MTUS2: variants seen among roughly 807,000 people sequenced by gnomAD.
MTUS2 encodes the protein microtubule associated scaffold protein 2, also known as microtubule-associated tumor suppressor candidate 2.
MTUS2 carries 40 observed loss-of-function variants against 114.1 expected under a neutral mutation model. That is an observed-to-expected ratio of 0.35 (90% CI 0.27 to 0.46). The LOEUF (loss-of-function observed/expected upper bound fraction) is 0.46, where lower values mean the gene tolerates loss of function less well. MTUS2 is among the 20% of genes least tolerant of loss of function. The pLI is 1.00. For synonymous variants in MTUS2, 688 were observed against 672.0 expected, an observed-to-expected ratio of 1.02 and a Z score of -0.37; for missense variants, 1,679 against 1,705.4, an observed-to-expected ratio of 0.98 and a Z score of 0.27.
intron 5 of MTUS2, among the ~76,000 whole-genome samples, chr13:29,235,656 A>G (rs1896508660): frequency 6.6e-6 from 1 of 152,166 alleles, no homozygotes; most frequent in South Asian, 2.1e-4. Context: ...TCAAGAATAA[A>G]TGTTGAATTT....
At chr13:29,000,995 CT>C (rs1343539798) in intron 2 of MTUS2, among the ~76,000 whole-genome samples, 2 of 152,146 alleles carry the variant, frequency 1.3e-5, no homozygotes, top group Non-Finnish European at 2.9e-5. Flanking sequence ...TTCTACAGTC[CT>C]TAGGGTAGGA....
chr13:29,186,087 G>T (rs1005276399), intron 5 of MTUS2, among the ~76,000 whole-genome samples: 3 of 152,098 alleles, frequency 2.0e-5, no homozygotes, highest in East Asian at 3.9e-4. Flanking sequence ...GGTGGCACAT[G>T]CATGTAGTCC....
chr13:29,096,459 A>G (rs1452209845), intron 4 of MTUS2, among the ~76,000 whole-genome samples: 4 of 152,168 alleles, frequency 2.6e-5, no homozygotes. Context: ...CCACTCTTTG[A>G]GGTTAGTTCT....
chr13:28,821,631 A>G (rs1490140748), intron 1 of MTUS2, among the ~76,000 whole-genome samples: 2 of 152,160 alleles, frequency 1.3e-5, no homozygotes, highest in Non-Finnish European at 2.9e-5. Context: ...TCCTCCACCC[A>G]GTATTCTGTT....
chr13:29,077,490 C>T (rs1422469847), intron 4 of MTUS2, among the ~76,000 whole-genome samples: 1 of 152,098 alleles, frequency 6.6e-6, no homozygotes, highest in Non-Finnish European at 1.5e-5. Flanking sequence ...AAACATGGCC[C>T]TTGAATAAAA....
intron 8 of MTUS2, among the ~76,000 whole-genome samples, chr13:29,411,826 G>T (rs1424780364): frequency 6.6e-6 from 1 of 152,138 alleles, no homozygotes; most frequent in Non-Finnish European, 1.5e-5. Context: ...TGTATTTAAT[G>T]TTCTTTGCTG....
intron 2 of MTUS2, among the ~76,000 whole-genome samples, chr13:28,980,477 C>G (rs1793234860): frequency 6.6e-6 from 1 of 152,152 alleles, no homozygotes; most frequent in African/African-American, 2.4e-5. Context: ...TTGTGCTTCT[C>G]CCTACTCCCC....
intron 5 of MTUS2, among the ~76,000 whole-genome samples, chr13:29,245,470 C>T (rs1896886222): frequency 1.3e-5 from 2 of 152,140 alleles, no homozygotes; most frequent in Non-Finnish European, 2.9e-5. Context: ...ATTGAGTAAA[C>T]AGCAACTGCA....
intron 2 of MTUS2, among the ~76,000 whole-genome samples, chr13:28,924,660 T>G (rs1881231002): frequency 6.6e-6 from 1 of 152,226 alleles, no homozygotes; most frequent in Admixed American, 6.5e-5. Flanking sequence ...TCTGGCTGTG[T>G]GACTGTGGTC....
chr13:29,268,431 C>T (rs1345135809), intron 5 of MTUS2, among the ~76,000 whole-genome samples: 1 of 152,076 alleles, frequency 6.6e-6, no homozygotes, highest in Non-Finnish European at 1.5e-5. Context: ...GTGTGAAAGT[C>T]GAGTCTTCAC....
intron 4 of MTUS2, among the ~76,000 whole-genome samples, chr13:29,056,246 G>T (rs1375962307): frequency 1.3e-5 from 2 of 151,984 alleles, no homozygotes; most frequent in Admixed American, 6.6e-5. Flanking sequence ...TACATCTTGA[G>T]TTGATTTTTG....
chr13:29,185,117 G>A (rs1017875932), intron 5 of MTUS2, among the ~76,000 whole-genome samples: 1 of 152,052 alleles, frequency 6.6e-6, no homozygotes, highest in African/African-American at 2.4e-5. Context: ...AGAAAATCTA[G>A]AGTTGAAAAG....
At chr13:29,029,000 A>G (rs1190548748) in intron 3 of MTUS2, among the ~76,000 whole-genome samples, 3 of 152,232 alleles carry the variant, frequency 2.0e-5, no homozygotes, top group Non-Finnish European at 4.4e-5. Flanking sequence ...AAGTTGTCAT[A>G]TCTAGCACAA....
chr13:29,495,199 A>C lies in MTUS2; in HGVS notation c.3580-2039A>C, dbSNP rs996795150. On this transcript the variant is annotated intron_variant, in intron 12 of 15. Coordinates refer to ENST00000612955, the MANE Select transcript of MTUS2 (RefSeq NM_001033602.4). ...TCCGTCTCAAAAAAAAAAAAAAAAA[A>C]AAAAAAACTTAAGTCAGATGTGGTG... 7.4e-5 allele frequency among the ~76,000 whole-genome samples: 11 copies of C among 148,508 alleles called. 1 individual carries two copies. In the South Asian group the frequency reaches 1.5e-3, roughly 20 times the overall value.
At chr13:29,359,580 A>G in intron 8 of MTUS2, 107 bp downstream of exon 8, 1 of 1,240,074 alleles carries the variant, frequency 8.1e-7, no homozygotes, top group Non-Finnish European at 1.1e-6. Context: ...AGTTTTGATC[A>G]GAGTGGAGTT....
chr13:29,365,378 A>G (rs911852340), intron 8 of MTUS2, among the ~76,000 whole-genome samples: 2 of 152,168 alleles, frequency 1.3e-5, no homozygotes, highest in African/African-American at 4.8e-5. Flanking sequence ...ACCCACCTCT[A>G]TTGATGATAA....
chr13:29,381,135 G>A (rs1282653353), intron 8 of MTUS2, among the ~76,000 whole-genome samples: 1 of 152,168 alleles, frequency 6.6e-6, no homozygotes, highest in South Asian at 2.1e-4. Flanking sequence ...GGAACCTACA[G>A]CTGGGCTCTC....
At chr13:29,330,117 C>T (rs1041782608) in intron 7 of MTUS2, among the ~76,000 whole-genome samples, 1 of 152,152 alleles carries the variant, frequency 6.6e-6, no homozygotes, top group Non-Finnish European at 1.5e-5. Context: ...CTGTTGTTTT[C>T]TGATTTTTTA....
rs151057396 is a variant in MTUS2, at chr13:29,169,927, C to T, written c.2644+68957C>T. ...CTAGCTAAGTCCCCCAAACCTGTCA[C>T]CTCTGTTTCTCTGTTGAGGGACCCC... is the stretch of plus-strand genomic sequence containing the variant. On this transcript the variant is annotated intron_variant, in intron 5 of 15. Transcript: ENST00000612955. 1.8e-3 allele frequency among the ~76,000 whole-genome samples: 276 copies of T among 152,312 alleles called. 8 individuals carry two copies. Among genetic ancestry groups the T allele is most frequent in the Non-Finnish European group, 7.1e-4 (48 of 68,030 alleles).
Sources: gnomAD v4.1 joint callset for allele counts (sites outside exome capture counted in the v4.1 genomes callset) on GRCh38, gnomAD v4.1.1 for gene constraint, MANE v1.5 for transcripts, NCBI Gene and HGNC (gene_info 2026-07-23, HGNC 2026-07-21) for gene names.